UNC13C: variants seen among roughly 807,000 people sequenced by gnomAD.
The protein encoded by UNC13C is protein unc-13 homolog C.
Under a neutral mutation model 245.4 loss-of-function variants are expected in UNC13C, and 174 were observed. The ratio of observed to expected loss-of-function variants is 0.71; its 90% confidence interval spans 0.63 to 0.80. UNC13C has a LOEUF of 0.80. Ranked by LOEUF, UNC13C falls within the 30% of genes least tolerant of loss-of-function variation. The probability of loss-of-function intolerance (pLI) is 0.00; values close to 1 mark genes in which losing one functional copy is unlikely to be tolerated. For missense variants in UNC13C, 2,829 were observed against 2,602.9 expected, an observed-to-expected ratio of 1.09 and a Z score of -1.89; for synonymous variants, 992 against 895.1, an observed-to-expected ratio of 1.11 and a Z score of -1.93.
chr15:54,046,568 T>C (rs996497994), intron 2 of UNC13C, among the ~76,000 whole-genome samples: 6 of 152,134 alleles, frequency 3.9e-5, no homozygotes, highest in Non-Finnish European at 8.8e-5. Context: ...ATTTTTCTAG[T>C]GGGTTTTTTC....
At chr15:54,320,321 A>G (rs1411646490) in intron 13 of UNC13C, among the ~76,000 whole-genome samples, 1 of 151,970 alleles carries the variant, frequency 6.6e-6, no homozygotes, top group East Asian at 1.9e-4. Context: ...TCCACTGGAA[A>G]TTGTACTTTT....
chr15:54,376,926 G>T (rs759855337), intron 17 of UNC13C, among the ~76,000 whole-genome samples: 1 of 152,140 alleles, frequency 6.6e-6, no homozygotes. Context: ...CTTGAGATGA[G>T]ATCCTCCTAG....
At chr15:54,575,436 C>G (rs553586755) in intron 30 of UNC13C, among the ~76,000 whole-genome samples, 89 of 152,266 alleles carry the variant, frequency 5.8e-4, no homozygotes, top group Non-Finnish European at 1.1e-3. Flanking sequence ...TTATATTCCT[C>G]AAACTATATT....
intron 17 of UNC13C, among the ~76,000 whole-genome samples, chr15:54,342,567 A>G (rs1479985547): frequency 1.2e-5 from 1 of 84,820 alleles, no homozygotes; most frequent in African/African-American, 3.4e-5. Flanking sequence ...TCTCTATTTA[A>G]AAAAAAAAAA....
the UNC13C span, among the ~76,000 whole-genome samples, chr15:53,861,312 A>T: frequency 2.0e-5 from 3 of 152,172 alleles, no homozygotes; most frequent in Non-Finnish European, 4.4e-5. Flanking sequence ...TTTATTATTC[A>T]GTCTTTGTGT....
the UNC13C span, among the ~76,000 whole-genome samples, chr15:53,886,711 G>A: frequency 6.6e-6 from 1 of 152,092 alleles, no homozygotes; most frequent in African/African-American, 2.4e-5. Flanking sequence ...CTCTACAGTG[G>A]AGAAAACTGA....
At chr15:54,421,241 G>A (rs1048171379) in intron 19 of UNC13C, among the ~76,000 whole-genome samples, 1 of 151,696 alleles carries the variant, frequency 6.6e-6, no homozygotes, top group African/African-American at 2.4e-5. Flanking sequence ...ATTCATGATT[G>A]AGTACCATTA....
At chr15:54,157,283 T>C (rs1414029079) in intron 4 of UNC13C, among the ~76,000 whole-genome samples, 1 of 152,224 alleles carries the variant, frequency 6.6e-6, no homozygotes, top group Non-Finnish European at 1.5e-5. Flanking sequence ...TAGTTTTAAA[T>C]CTTGACTCTA....
intron 13 of UNC13C, among the ~76,000 whole-genome samples, chr15:54,314,946 A>AT (rs35092136): frequency 0.14 from 20,849 of 150,862 alleles, 1,572 homozygotes; most frequent in Admixed American, 0.21. Context: ...GGTACAAAGT[A>AT]TTTTTTTTTC....
At chr15:54,527,940 C>A (rs1895549419) in intron 25 of UNC13C, among the ~76,000 whole-genome samples, 1 of 152,152 alleles carries the variant, frequency 6.6e-6, no homozygotes, top group Non-Finnish European at 1.5e-5. Context: ...CTACAGTAAT[C>A]AATGTGATCA....
In UNC13C at chr15:54,015,665, G is replaced by T. The variant is rs569533982; in HGVS notation, c.2762G>T (p.Gly921Val). The change falls in exon 2 of 33, where the codon GGT (glycine) becomes GTT (valine). Residue 921 changes from glycine to valine, a missense_variant. Coordinates refer to ENST00000260323, the MANE Select transcript of UNC13C (RefSeq NM_001080534.3). The part of the protein sequence containing the change: ...ETPYETPQDE[G>V]YDGPADDMVS... The stretch of plus-strand genomic sequence containing the variant: ...CCTTATGAAACCCCACAAGATGAGG[G>T]TTATGATGGTCCAGCAGATGATATG... 3.7e-6 allele frequency: 6 copies of T among 1,613,706 alleles called. No individual in the cohort carries two copies. The highest frequency in any genetic ancestry group is 1.7e-5 in the Admixed American group (1 of 59,994).
chr15:54,197,725 T>C (rs2034401971), intron 4 of UNC13C, among the ~76,000 whole-genome samples: 1 of 152,078 alleles, frequency 6.6e-6, no homozygotes, highest in Admixed American at 6.6e-5. Context: ...GGCTTGCAGC[T>C]CCTGCTCAGA....
At chr15:54,580,649 G>T (rs62023999) in intron 30 of UNC13C, among the ~76,000 whole-genome samples, 14,151 of 152,230 alleles carry the variant, frequency 0.093, 831 homozygotes, top group Admixed American at 0.15. Flanking sequence ...TAATACCCAT[G>T]AAACACTTTG....
At chr15:54,163,071 G>T (rs752740307) in intron 4 of UNC13C, among the ~76,000 whole-genome samples, 1 of 152,170 alleles carries the variant, frequency 6.6e-6, no homozygotes, top group Non-Finnish European at 1.5e-5. Context: ...CCTGGAACCT[G>T]TGAATATGTT....
intron 27 of UNC13C, among the ~76,000 whole-genome samples, chr15:54,548,619 T>C (rs1247449115): frequency 6.6e-6 from 1 of 152,116 alleles, no homozygotes; most frequent in African/African-American, 2.4e-5. Context: ...CCCATTGCTG[T>C]TTTTCCCATA....
chr15:54,509,366 T>C (rs1215727239), intron 23 of UNC13C, among the ~76,000 whole-genome samples: 2 of 152,184 alleles, frequency 1.3e-5, no homozygotes, highest in African/African-American at 4.8e-5. Context: ...AATTTCACAT[T>C]CCAAAATATA....
chr15:54,311,803 G>C (rs957395523), intron 13 of UNC13C, among the ~76,000 whole-genome samples: 1 of 151,682 alleles, frequency 6.6e-6, no homozygotes, highest in African/African-American at 2.4e-5. Context: ...CAAAATTCTT[G>C]TTCAATGATA....
chr15:54,532,508 C>T (rs77201951), intron 25 of UNC13C, among the ~76,000 whole-genome samples: 1 of 152,152 alleles, frequency 6.6e-6, no homozygotes, highest in African/African-American at 2.4e-5. Flanking sequence ...AAAAAAGGAA[C>T]AACATCATGT....
chr15:54,519,461 T>C (rs955001630), intron 24 of UNC13C, among the ~76,000 whole-genome samples: 17 of 152,178 alleles, frequency 1.1e-4, no homozygotes, highest in African/African-American at 4.1e-4. Flanking sequence ...GGCATTTTGT[T>C]GATTTGAAGC....
Sources: allele counts gnomAD v4.1 joint callset (sites outside exome capture counted in the v4.1 genomes callset), GRCh38; gene constraint gnomAD v4.1.1; transcripts MANE v1.5; gene names NCBI Gene and HGNC (gene_info 2026-07-23, HGNC 2026-07-21).